CTNNA1: variants seen among roughly 807,000 people sequenced by gnomAD.
CTNNA1 encodes the protein catenin alpha 1, also known as catenin alpha-1.
Under a neutral mutation model 98.4 loss-of-function variants are expected in CTNNA1, and 37 were observed. The observed-to-expected ratio is 0.38, with a 90% confidence interval of 0.29 to 0.49. CTNNA1 has a LOEUF of 0.49. CTNNA1 is among the 20% of genes least tolerant of loss of function. The pLI is 0.95. For missense variants in CTNNA1, 761 were observed against 1,147.2 expected (o/e 0.66, Z 4.86); for synonymous variants, 404 against 413.2 (o/e 0.98, Z 0.27).
At chr5:138,919,712 G>T (rs1298060089) in intron 11 of CTNNA1, among the ~76,000 whole-genome samples, 1 of 152,182 alleles carries the variant, frequency 6.6e-6, no homozygotes, top group East Asian at 1.9e-4. Flanking sequence ...AAAGGTGGTG[G>T]TGTTTTCAGA....
chr5:138,874,402 G>C lies in CTNNA1; in HGVS notation c.1063-11810G>C. 1 of 1,614,004 alleles carries C rather than the reference G, an allele frequency of 6.2e-7. No individual in the cohort carries two copies. Among genetic ancestry groups the C allele is most frequent in the Non-Finnish European group, 8.5e-7 (1 of 1,179,910 alleles). ...CCTTGTCTGTGGCGTTTGGCACTGA[G>C]TGGAAGCCCTGAGAGTCGCAGTAGA... On this transcript the variant is annotated intron_variant, in intron 7 of 17. Coordinates refer to ENST00000302763, the MANE Select transcript of CTNNA1 (RefSeq NM_001903.5). This position sits in a 1 kb window ranked among gnomAD's most constrained non-coding sequence, Gnocchi z 4.1.
Position 138,873,024 on chromosome 5 carries a change from C to T in CTNNA1, c.1063-13188C>T, listed in dbSNP as rs1750829944. On this transcript the variant is annotated intron_variant, in intron 7 of 17. Transcript: ENST00000302763. The surrounding 1 kb of genome is among the most constrained non-coding windows in gnomAD (Gnocchi z 6.1). The stretch of plus-strand genomic sequence containing the variant: ...ATGGGTAGATATTATACTTCACATT[C>T]TTTGTATGGCAGCTGCTGACACTTG... The T allele has an allele frequency of 6.2e-7, 1 of 1,604,908 alleles. No individual in the cohort carries two copies. Among genetic ancestry groups the T allele is most frequent in the Non-Finnish European group, 8.5e-7 (1 of 1,175,176 alleles).
chr5:138,902,224 G>A (rs949934913), intron 9 of CTNNA1, among the ~76,000 whole-genome samples: 5 of 152,126 alleles, frequency 3.3e-5, no homozygotes, highest in African/African-American at 4.8e-5. Flanking sequence ...GAGTACTTAC[G>A]TAATCTTTTG....
intron 11 of CTNNA1, among the ~76,000 whole-genome samples, chr5:138,920,860 T>C (rs1207618937): frequency 6.6e-6 from 1 of 152,182 alleles, no homozygotes; most frequent in Non-Finnish European, 1.5e-5. Flanking sequence ...GAACAAGTCA[T>C]GTCCTGATTT....
intron 6 of CTNNA1, 107 bp downstream of exon 6, chr5:138,824,906 T>C (rs1760487079): frequency 9.9e-7 from 1 of 1,012,918 alleles, no homozygotes; most frequent in Non-Finnish European, 1.5e-6. Flanking sequence ...CAATTTCCAC[T>C]TAGATCTTTA....
At chr5:138,835,610 G>A (rs1320420533) in intron 7 of CTNNA1, among the ~76,000 whole-genome samples, 3 of 151,872 alleles carry the variant, frequency 2.0e-5, no homozygotes, top group Admixed American at 1.3e-4. Flanking sequence ...TTTTGACAGC[G>A]GCATTTATTT....
intron 9 of CTNNA1, among the ~76,000 whole-genome samples, chr5:138,902,515 G>A (rs1758271890): frequency 6.6e-6 from 1 of 152,216 alleles, no homozygotes; most frequent in South Asian, 2.1e-4. Flanking sequence ...CGCCTCTCAG[G>A]TTCACGCCAT....
At chr5:138,798,939 A>G (rs995832712) in intron 3 of CTNNA1, among the ~76,000 whole-genome samples, 7 of 151,998 alleles carry the variant, frequency 4.6e-5, no homozygotes, top group African/African-American at 1.7e-4. Flanking sequence ...AGCACTTTTG[A>G]TATCTTATAA....
At chr5:138,849,989 AACAC>A (rs140124029) in intron 7 of CTNNA1, among the ~76,000 whole-genome samples, 1 of 151,082 alleles carries the variant, frequency 6.6e-6, no homozygotes, top group Non-Finnish European at 1.5e-5. Flanking sequence ...GATACAATAA[AACAC>A]ACACACACAC....
chr5:138,825,390 C>G (rs953672594), intron 6 of CTNNA1, among the ~76,000 whole-genome samples: 1 of 150,780 alleles, frequency 6.6e-6, no homozygotes, highest in African/African-American at 2.4e-5. Context: ...GTCCTGTGTA[C>G]ACAACTCTTA....
At chr5:138,811,791 G>C (rs1019417307) in intron 4 of CTNNA1, among the ~76,000 whole-genome samples, 1 of 152,184 alleles carries the variant, frequency 6.6e-6, no homozygotes, top group Non-Finnish European at 1.5e-5. Flanking sequence ...GGCAGCGCAC[G>C]CCTGCAAATC....
chr5:138,833,094 A>T (rs1354223768), intron 7 of CTNNA1, among the ~76,000 whole-genome samples: 1 of 152,192 alleles, frequency 6.6e-6, no homozygotes, highest in Non-Finnish European at 1.5e-5. Context: ...CTGACTCCTC[A>T]ATGAACAAAT....
chr5:138,827,958 CT>C, intron 7 of CTNNA1: 1 of 511,314 alleles, frequency 2.0e-6, no homozygotes, highest in Non-Finnish European at 3.5e-6. Flanking sequence ...GGAAATTTAT[CT>C]GTATTCATCA....
intron 7 of CTNNA1, among the ~76,000 whole-genome samples, chr5:138,846,318 A>G (rs9327826): frequency 0.69 from 104,872 of 152,088 alleles, 36,330 homozygotes; most frequent in East Asian, 0.93. Context: ...ATGGTTGTAC[A>G]TATCTGTGAA....
At chr5:138,872,870 C>A in intron 7 of CTNNA1, 2 of 547,798 alleles carry the variant, frequency 3.7e-6, no homozygotes, top group Non-Finnish European at 6.2e-6. Flanking sequence ...AAAAATACTT[C>A]AACACTTCAA....
intron 11 of CTNNA1, among the ~76,000 whole-genome samples, chr5:138,921,997 A>C (rs571528960): frequency 6.6e-6 from 1 of 151,942 alleles, no homozygotes; most frequent in Non-Finnish European, 1.5e-5. Flanking sequence ...AATCCTCTAC[A>C]TAAAGTATGA....
At chr5:138,801,469 T>G (rs1166895642) in intron 3 of CTNNA1, among the ~76,000 whole-genome samples, 1 of 152,242 alleles carries the variant, frequency 6.6e-6, no homozygotes. Flanking sequence ...GAAACAATTT[T>G]CAATATGCTT....
chr5:138,865,184 G>A (rs1399571621), intron 7 of CTNNA1, among the ~76,000 whole-genome samples: 2 of 152,098 alleles, frequency 1.3e-5, no homozygotes, highest in Non-Finnish European at 2.9e-5. Flanking sequence ...GGTGTTTACT[G>A]GGTGTCCCTT....
At chr5:138,769,379 GTTATTA>G (rs372870548) in intron 1 of CTNNA1, among the ~76,000 whole-genome samples, 23 of 150,586 alleles carry the variant, frequency 1.5e-4, no homozygotes, top group African/African-American at 3.6e-4. Flanking sequence ...TTATTTTTGG[GTTATTA>G]TTATTATTAT....
Sources: allele counts gnomAD v4.1 joint callset (sites outside exome capture counted in the v4.1 genomes callset), GRCh38; gene constraint gnomAD v4.1.1; non-coding constraint Gnocchi (gnomAD v3.1); transcripts MANE v1.5; gene names NCBI Gene and HGNC (gene_info 2026-07-23, HGNC 2026-07-21).